The following BNIPL variants were observed in gnomAD, a reference collection of about 807,000 sequenced individuals.
BNIPL encodes bcl-2/adenovirus E1B 19 kDa-interacting protein 2-like protein.
A neutral mutation model predicts 47.0 loss-of-function variants in BNIPL; 33 were observed. The observed-to-expected ratio is 0.70, with a 90% confidence interval of 0.53 to 0.94. The LOEUF (loss-of-function observed/expected upper bound fraction) is 0.94, where lower values mean the gene tolerates loss of function less well. BNIPL is among the 40% of genes least tolerant of loss of function. BNIPL has a pLI of 0.00. For missense variants in BNIPL, 404 were observed against 445.2 expected (o/e 0.91, Z 0.83); for synonymous variants, 145 against 162.7 (o/e 0.89, Z 0.83).
chr1:151,044,787 TTTTCCCCTTTTG>T, intron 7 of BNIPL: 12 of 1,259,232 alleles, frequency 9.5e-6, no homozygotes, highest in Non-Finnish European at 9.2e-6. Flanking sequence ...GGTTTTTTTT[TTTTCCCCTTTTG>T]GTTCCCCCAT....
intron 5 of BNIPL, 64 bp from the exon 6 acceptor site, chr1:151,043,268 A>T: frequency 1.3e-6 from 2 of 1,521,856 alleles, no homozygotes; most frequent in Non-Finnish European, 1.8e-6. Flanking sequence ...CTCAACTTAA[A>T]CAGATATACT....
At position 151,039,009 on chromosome 1, in the gene BNIPL, A is replaced by C. The variant is rs1429303476; in HGVS notation, c.416A>C (p.His139Pro). Reference sequence around the variant, plus strand: ...GACTCGGAGCAGCTGGACAGTGGACATGAATTTGAATGGGAAGGTGGGAAA... The same window carrying C: ...GACTCGGAGCAGCTGGACAGTGGACCTGAATTTGAATGGGAAGGTGGGAAA... ...PSDSEQLDSG[H>P]EFEWEDELPR... Residue 139 changes from histidine (H) to proline (P), a missense_variant, in exon 4 of 10, where the codon CAT becomes CCT. Transcript: ENST00000368931. 3.2e-6 allele frequency: 5 copies of C among 1,581,062 alleles called. No homozygotes were observed. The East Asian group carries it at 1.1e-4, about 35-fold the overall frequency.
At chr1:151,045,579 A>AAAC (rs10674439) in intron 7 of BNIPL, 3 of 778,324 alleles carry the variant, frequency 3.9e-6, no homozygotes, top group Non-Finnish European at 3.7e-6. Flanking sequence ...AAAAAAAAAA[A>AAAC]TCTTGAGAGT....
At chr1:151,040,975 G>T (rs983610281) in intron 4 of BNIPL, among the ~76,000 whole-genome samples, 4 of 151,936 alleles carry the variant, frequency 2.6e-5, no homozygotes, top group Non-Finnish European at 5.9e-5. Flanking sequence ...GAGCCCAGGA[G>T]TTGGGACCAG....
At chr1:151,038,465 G>T (rs371514783) in intron 2 of BNIPL, 39 bp from the exon 3 acceptor site, 1 of 1,485,980 alleles carries the variant, frequency 6.7e-7, no homozygotes, top group Non-Finnish European at 9.4e-7. Flanking sequence ...GATGCCTTTG[G>T]TGTATATGTC....
chr1:151,044,148 C>A (rs867185616), intron 7 of BNIPL, among the ~76,000 whole-genome samples: 16 of 151,828 alleles, frequency 1.1e-4, no homozygotes, highest in South Asian at 4.2e-4. Context: ...CCATGCCCAG[C>A]TAACTTTTGT....
Position 151,038,211 on chromosome 1 carries a change from C to T in BNIPL, c.138-293C>T, listed in dbSNP as rs182049863. Among the ~76,000 whole-genome samples, 57 of 150,624 alleles carry T rather than the reference C, an allele frequency of 3.8e-4. No individual in the cohort carries two copies. The East Asian group carries it at 8.2e-3, about 22-fold the overall frequency. ...GCAACATGGCATAACCCCATCTCTA[C>T]AAAAATACAAAATTTAGCCAAGTGT... On this transcript the variant is annotated intron_variant, in intron 2 of 9. Transcript: ENST00000368931.
At chr1:151,045,300 G>A (rs888593854) in intron 7 of BNIPL, among the ~76,000 whole-genome samples, 2 of 140,050 alleles carry the variant, frequency 1.4e-5, no homozygotes, top group East Asian at 4.3e-4. Flanking sequence ...ATCCGGGCGC[G>A]ATGGCTCACA....
chr1:151,043,843 T>G (rs182870473), intron 7 of BNIPL, 116 bp downstream of exon 7: 1 of 1,271,880 alleles, frequency 7.9e-7, no homozygotes, highest in African/African-American at 1.5e-5. Context: ...TTTACGTTCC[T>G]TTCCCAGCTC....
Position 151,043,410 on chromosome 1 carries a change from C to T in BNIPL, c.695C>T (p.Thr232Ile), listed in dbSNP as rs1675902065. 2 of 1,607,880 alleles carry T rather than the reference C, an allele frequency of 1.2e-6. No homozygotes were observed. Among genetic ancestry groups the T allele is most frequent in the Non-Finnish European group, 1.7e-6 (2 of 1,174,382 alleles). Residue 232 changes from threonine to isoleucine, a missense_variant, in exon 6 of 10, where the codon ACC becomes ATC. By Grantham distance (89) the Thr-to-Ile change is moderately conservative. Coordinates refer to ENST00000368931, the MANE Select transcript of BNIPL (RefSeq NM_138278.4). ...YLPRSSIPNY[T>I]YVMEHLFRYM... ...CCCAGAAGCAGCATCCCCAACTACA[C>T]CTATGTCATGGAACACTTGTTTAGG...
At position 151,047,700 on chromosome 1, in the gene BNIPL, C is replaced by G. The variant is rs1178129576; in HGVS notation, c.*1013C>G. ...TTAGGAGCACCCCGCGCGGCCCGCGCGAGCGCGCCTGCGCGTCGAACCCCA... is the reference window on the plus strand; with the variant it reads ...TTAGGAGCACCCCGCGCGGCCCGCGGGAGCGCGCCTGCGCGTCGAACCCCA... On this transcript the variant is annotated 3_prime_UTR_variant, in exon 10 of 10. Transcript: ENST00000368931. The G allele has an allele frequency of 1.5e-6, 2 of 1,349,072 alleles. No homozygotes were observed. The highest frequency in any genetic ancestry group is 1.5e-5 in the African/African-American group (1 of 67,482). 83.6% of individuals were successfully genotyped at this position (1,349,072 alleles called of 1,614,324 possible). A position where few individuals can be genotyped will look rare whatever the true frequency, so the allele number is the denominator to read the frequency against.
intron 2 of BNIPL, 105 bp downstream of exon 2, chr1:151,037,767 G>A (rs982614171): frequency 3.2e-5 from 29 of 893,860 alleles, no homozygotes; most frequent in African/African-American, 6.7e-5. Context: ...TTGGGTGGCC[G>A]AGGCGGGTGG....
intron 4 of BNIPL, among the ~76,000 whole-genome samples, chr1:151,042,336 C>T (rs1675853610): frequency 6.6e-6 from 1 of 151,916 alleles, no homozygotes; most frequent in African/African-American, 2.4e-5. Flanking sequence ...AGGCTGGTCT[C>T]AAACTCCTGG....
Position 151,047,699 on chromosome 1 carries a change from G to C in BNIPL, c.*1012G>C. 2 of 1,345,204 alleles carry C rather than the reference G, an allele frequency of 1.5e-6. No individual in the cohort carries two copies. Among genetic ancestry groups the C allele is most frequent in the Admixed American group, 3.3e-5 (1 of 30,040 alleles). 83.3% of individuals were successfully genotyped at this position (1,345,204 alleles called of 1,614,324 possible). The stretch of plus-strand genomic sequence containing the variant: ...CTTAGGAGCACCCCGCGCGGCCCGC[G>C]CGAGCGCGCCTGCGCGTCGAACCCC... On this transcript the variant is annotated 3_prime_UTR_variant, in exon 10 of 10. Transcript: ENST00000368931.
In BNIPL at chr1:151,046,385, A is replaced by G. The variant is rs6587552; in HGVS notation, c.1037+220A>G. Among the ~76,000 whole-genome samples, 104,972 of 151,390 alleles carry G rather than the reference A, an allele frequency of 0.69. 37,589 individuals carry two copies. Among genetic ancestry groups the G allele is most frequent in the East Asian group, 0.89 (4,597 of 5,178 alleles). On this transcript the variant is annotated intron_variant, in intron 9 of 9. Coordinates refer to ENST00000368931, the MANE Select transcript of BNIPL (RefSeq NM_138278.4). The stretch of plus-strand genomic sequence containing the variant: ...TGAAAAAAAAAAAAAACCTATACAT[A>G]TAAGTGCAGAGGCAATAAGGAATAA...
At chr1:151,040,397 T>C (rs1451081404) in intron 4 of BNIPL, among the ~76,000 whole-genome samples, 1 of 151,276 alleles carries the variant, frequency 6.6e-6, no homozygotes, top group East Asian at 2.0e-4. Flanking sequence ...CCCAGGCTGG[T>C]CTTGAACTCC....
intron 4 of BNIPL, 60 bp downstream of exon 4, chr1:151,039,086 G>A (rs754629306): frequency 8.1e-6 from 12 of 1,482,588 alleles, no homozygotes; most frequent in Non-Finnish European, 1.1e-5. Context: ...AAAGGATCAG[G>A]ATGGACTTAA....
chr1:151,043,133 A>T lies in BNIPL; in HGVS notation c.611A>T (p.His204Leu), dbSNP rs752461407. Residue 204 changes from histidine (H) to leucine (L), a missense_variant, in exon 5 of 10, where the codon CAT (histidine) becomes CTT (leucine). His to Leu is a moderately conservative substitution (Grantham distance 99). Transcript: ENST00000368931. The part of the protein sequence containing the change: ...VIEPYKKVLS[H>L]GGYHGDGLNA... ...GAGCCCTATAAGAAAGTCCTGTCTC[A>T]TGGAGGTAATGGCTAGCATAATGCA... The T allele has an allele frequency of 1.8e-5, 29 of 1,611,618 alleles. No individual in the cohort carries two copies. The highest frequency in any genetic ancestry group is 2.5e-5 in the Non-Finnish European group (29 of 1,178,064).
intron 5 of BNIPL, 60 bp from the exon 6 acceptor site, chr1:151,043,272 A>G (rs950036661): frequency 1.2e-5 from 18 of 1,522,682 alleles, no homozygotes; most frequent in Middle Eastern, 1.7e-4. Context: ...ACTTAAACAG[A>G]TATACTATCT....
Sources: allele counts gnomAD v4.1 joint callset (sites outside exome capture counted in the v4.1 genomes callset), GRCh38; gene constraint gnomAD v4.1.1; transcripts MANE v1.5; gene names NCBI Gene and HGNC (gene_info 2026-07-23, HGNC 2026-07-21).